LIPI: variants seen among roughly 807,000 people sequenced by gnomAD.
LIPI encodes the protein lipase I.
A neutral mutation model predicts 50.6 loss-of-function variants in LIPI; 59 were observed. The ratio of observed to expected loss-of-function variants is 1.16; its 90% CI spans 0.94 to 1.45. The LOEUF (loss-of-function observed/expected upper bound fraction) is 1.45, where lower values mean the gene tolerates loss of function less well. Ranked by LOEUF, LIPI falls within the 40% of genes most tolerant of loss-of-function variation. LIPI has a pLI of 0.00. For missense variants in LIPI, 586 were observed against 536.3 expected (o/e 1.09, Z -0.92); for synonymous variants, 203 against 178.2 (o/e 1.14, Z -1.11).
At chr21:14,114,139 C>T (rs1046293154) in intron 9 of LIPI, among the ~76,000 whole-genome samples, 3 of 150,990 alleles carry the variant, frequency 2.0e-5, no homozygotes, top group Non-Finnish European at 4.4e-5. Flanking sequence ...GATCATGCCA[C>T]TGCACTCCAG....
chr21:14,200,792 G>C (rs553307924), intron 1 of LIPI, among the ~76,000 whole-genome samples: 1 of 151,734 alleles, frequency 6.6e-6, no homozygotes, highest in South Asian at 2.1e-4. Context: ...AACCAAAAAA[G>C]GGCCCAAATA....
chr21:14,171,814 T>C (rs1261258026), intron 4 of LIPI, among the ~76,000 whole-genome samples: 6 of 151,382 alleles, frequency 4.0e-5, no homozygotes, highest in Admixed American at 6.6e-5. Context: ...GGGCAAGGAC[T>C]TCATGTCTAA....
intron 4 of LIPI, among the ~76,000 whole-genome samples, chr21:14,172,339 G>C (rs919079476): frequency 1.8e-3 from 280 of 152,258 alleles, no homozygotes; most frequent in African/African-American, 3.7e-3. Flanking sequence ...ACTAGAAATA[G>C]CATTTGACCC....
At position 14,203,701 on chromosome 21, in the gene LIPI, G is replaced by A. The variant is rs530091574; in HGVS notation, c.46+7099C>T. ...GCCTGTTGTGGGGTGTGGGTAGGGGGGAGGGATAGCATTAGGAGATATACC... is the reference window on the plus strand; with the variant it reads ...GCCTGTTGTGGGGTGTGGGTAGGGGAGAGGGATAGCATTAGGAGATATACC... On this transcript the variant is annotated intron_variant, in intron 1 of 9. Transcript: ENST00000681601. Among the ~76,000 whole-genome samples the A allele has an allele frequency of 1.1e-3, 168 of 151,996 alleles. 5 individuals carry two copies. The South Asian group carries it at 0.032, about 29-fold the overall frequency.
chr21:14,125,521 C>T (rs1600836500), intron 9 of LIPI, among the ~76,000 whole-genome samples: 1 of 150,900 alleles, frequency 6.6e-6, no homozygotes, highest in Non-Finnish European at 1.5e-5. Context: ...GAACAGAAAA[C>T]AAAACAGCAA....
chr21:14,167,088 G>A (rs534137400), intron 4 of LIPI, among the ~76,000 whole-genome samples: 151 of 152,294 alleles, frequency 9.9e-4, no homozygotes, highest in African/African-American at 3.2e-3. Context: ...AGGGTCCTAC[G>A]CCCACGGAGT....
intron 4 of LIPI, among the ~76,000 whole-genome samples, chr21:14,179,957 G>A (rs188840975): frequency 2.1e-4 from 32 of 152,226 alleles, no homozygotes; most frequent in African/African-American, 6.0e-4. Context: ...TGCAGAGAGC[G>A]TATAAACGGA....
intron 1 of LIPI, among the ~76,000 whole-genome samples, chr21:14,192,909 CATACAAAA>C (rs1354181557): frequency 2.6e-5 from 4 of 152,062 alleles, no homozygotes; most frequent in Admixed American, 1.3e-4. Context: ...AACTAGAAGT[CATACAAAA>C]ATACAAAAAT....
rs1469289017 is a variant in LIPI, at chr21:14,109,056, A to G, written c.1320T>C (p.Ile440=). The stretch of plus-strand genomic sequence containing the variant: ...ACACTTCCTCTCTGTCTTTAAGTAC[A>G]ATATTATACCTGCAAAGTGGTGGTC... ...PERPPLCRYN[I]VLKDREEVFL... Residue 440 remains isoleucine, a synonymous_variant, in exon 10 of 10, where the codon ATT becomes ATC. Coordinates refer to ENST00000681601, the MANE Select transcript of LIPI (RefSeq NM_001302998.2). 6 of 1,596,544 alleles carry G rather than the reference A, an allele frequency of 3.8e-6. No individual in the cohort carries two copies. The African/African-American group carries it at 4.0e-5, about 11-fold the overall frequency.
rs376830756 is a variant in LIPI at position 14,129,924 on chromosome 21, G to C, written c.1295+14699C>G. Among the ~76,000 whole-genome samples the C allele has an allele frequency of 2.6e-5, 4 of 151,290 alleles. No individual in the cohort carries two copies. In the South Asian group the frequency reaches 8.4e-4, roughly 32 times the overall value. ...ATATGGTACTCTCACTGTTGATTTTGTTTGAAGTTCCTGTTCCTTATTTGT... is the reference window on the plus strand; with the variant it reads ...ATATGGTACTCTCACTGTTGATTTTCTTTGAAGTTCCTGTTCCTTATTTGT... On this transcript the variant is annotated intron_variant, in intron 9 of 9. Transcript: ENST00000681601.
chr21:14,119,384 G>A lies in LIPI; in HGVS notation c.1296-10304C>T, dbSNP rs113875410. Among the ~76,000 whole-genome samples, 551 of 152,302 alleles carry A rather than the reference G, an allele frequency of 3.6e-3. 2 individuals carry two copies. Among genetic ancestry groups the A allele is most frequent in the Non-Finnish European group, 5.1e-3 (348 of 68,032 alleles). ...TCCAAGGAAAAGGCACAGATCTGTGGCCAAGGAGTTCAGTATCTTGGCTTT... is the reference window on the plus strand; with the variant it reads ...TCCAAGGAAAAGGCACAGATCTGTGACCAAGGAGTTCAGTATCTTGGCTTT... On this transcript the variant is annotated intron_variant, in intron 9 of 9. Coordinates refer to ENST00000681601, the MANE Select transcript of LIPI (RefSeq NM_001302998.2).
chr21:14,210,911 G>A lies in LIPI; in HGVS notation c.-66C>T, dbSNP rs1157536636. 1.7e-6 allele frequency: 2 copies of A among 1,153,210 alleles called. No individual in the cohort carries two copies. The highest frequency in any genetic ancestry group is 1.8e-5 in the South Asian group (1 of 55,048). 71.4% of individuals were successfully genotyped at this position (1,153,210 alleles called of 1,614,324 possible). A position where few individuals can be genotyped will look rare whatever the true frequency, so the allele number is the denominator to read the frequency against. On this transcript the variant is annotated 5_prime_UTR_variant, in exon 1 of 10. Transcript: ENST00000681601. ...AAAAGGAAATTCCGTAACTCATTGA[G>A]GTTTCTCTTTGGTAGGATCATCACA... is the stretch of plus-strand genomic sequence containing the variant.
intron 1 of LIPI, among the ~76,000 whole-genome samples, chr21:14,193,050 A>C (rs2019729697): frequency 6.6e-6 from 1 of 152,240 alleles, no homozygotes; most frequent in Admixed American, 6.5e-5. Flanking sequence ...AATGCATGTT[A>C]ATGGGTACAC....
At chr21:14,164,274 T>A (rs987496464) in intron 6 of LIPI, among the ~76,000 whole-genome samples, 1 of 152,100 alleles carries the variant, frequency 6.6e-6, no homozygotes, top group South Asian at 2.1e-4. Flanking sequence ...GTGATTTATA[T>A]ATTCACTCTG....
chr21:14,153,964 T>A (rs1180775019), intron 7 of LIPI, among the ~76,000 whole-genome samples: 2 of 152,198 alleles, frequency 1.3e-5, no homozygotes, highest in African/African-American at 4.8e-5. Context: ...TACATTAAAA[T>A]GCTTCAGGAT....
Position 14,158,314 on chromosome 21 carries a change from CT to C in LIPI, c.1006+5104del, listed in dbSNP as rs150434427. ...AACAGACAACAGGAAAATTTCTAAA[CT>C]GTGGAAATTCAACAGCGTGCTTATA... On this transcript the variant is annotated intron_variant, in intron 7 of 9. Transcript: ENST00000681601. 4.0e-3 allele frequency among the ~76,000 whole-genome samples: 607 copies of C among 151,654 alleles called. 7 individuals carry two copies. The highest frequency in any genetic ancestry group is 0.014 in the African/African-American group (587 of 41,442).
chr21:14,137,052 A>G (rs565129661), intron 9 of LIPI, among the ~76,000 whole-genome samples: 28 of 152,304 alleles, frequency 1.8e-4, no homozygotes, highest in African/African-American at 6.5e-4. Flanking sequence ...AGCTTAGATC[A>G]CAACACTCAA....
chr21:14,116,135 C>T (rs1489411046), intron 9 of LIPI, among the ~76,000 whole-genome samples: 1 of 151,982 alleles, frequency 6.6e-6, no homozygotes, highest in Non-Finnish European at 1.5e-5. Context: ...CCTAACTAGG[C>T]TCATCTGGGA....
At chr21:14,129,012 T>C (rs1361472486) in intron 9 of LIPI, among the ~76,000 whole-genome samples, 1 of 152,070 alleles carries the variant, frequency 6.6e-6, no homozygotes, top group Non-Finnish European at 1.5e-5. Flanking sequence ...CTAGGAGTAT[T>C]TATATAGTTA....
Sources: gnomAD v4.1 joint callset for allele counts (sites outside exome capture counted in the v4.1 genomes callset) on GRCh38, gnomAD v4.1.1 for gene constraint, MANE v1.5 for transcripts, NCBI Gene and HGNC (gene_info 2026-07-23, HGNC 2026-07-21) for gene names.